PBX1: variants seen among roughly 807,000 people sequenced by gnomAD.
PBX1 encodes PBX homeobox 1.
PBX1 carries 6 observed loss-of-function variants against 53.4 expected under a neutral mutation model. The ratio of observed to expected loss-of-function variants is 0.11; its 90% CI spans 0.06 to 0.22. PBX1 has a LOEUF of 0.22. PBX1 is among the 10% of genes least tolerant of loss of function. The pLI is 1.00. For missense variants in PBX1, 251 were observed against 551.4 expected, an observed-to-expected ratio of 0.46 and a Z score of 5.46; for synonymous variants, 204 against 212.3, an observed-to-expected ratio of 0.96 and a Z score of 0.34.
chr1:164,689,902 G>A (rs1662361038), intron 2 of PBX1, among the ~76,000 whole-genome samples: 1 of 151,876 alleles, frequency 6.6e-6, no homozygotes, highest in South Asian at 2.1e-4. Flanking sequence ...TCTCACTGGT[G>A]ATACAGTTCT....
chr1:164,879,223 C>T (rs1270954756), intron 2 of PBX1, among the ~76,000 whole-genome samples: 1 of 124,620 alleles, frequency 8.0e-6, no homozygotes, highest in Non-Finnish European at 1.9e-5. Flanking sequence ...TTCAGGTGAA[C>T]AAACATTTAT....
intron 2 of PBX1, among the ~76,000 whole-genome samples, chr1:164,868,677 C>T (rs1672278324): frequency 6.6e-6 from 1 of 152,218 alleles, no homozygotes; most frequent in African/African-American, 2.4e-5. Flanking sequence ...TAAACATACA[C>T]AGTGGCAAGG....
intron 8 of PBX1, among the ~76,000 whole-genome samples, chr1:164,839,222 G>T (rs1671180775): frequency 6.6e-6 from 1 of 152,098 alleles, no homozygotes; most frequent in South Asian, 2.1e-4. Context: ...TCTAGAATCT[G>T]TATACATTAT....
Position 164,846,496 on chromosome 1 carries a change from C to T in PBX1, c.1201-88C>T, listed in dbSNP as rs191699978. 3.7e-5 allele frequency: 42 copies of T among 1,120,544 alleles called. No individual in the cohort carries two copies. The East Asian group carries it at 9.9e-4, about 26-fold the overall frequency. The allele number at this position is 1,120,544 out of a possible 1,614,324, so 69.4% of individuals were successfully genotyped here. A position where few individuals can be genotyped will look rare whatever the true frequency, so the allele number is the denominator to read the frequency against. ...CATGTGCCAGGCACTATGCTAGGTCCTTTACACAAGATGCCTCATTGTCAT... is the reference window on the plus strand; with the variant it reads ...CATGTGCCAGGCACTATGCTAGGTCTTTTACACAAGATGCCTCATTGTCAT... On this transcript the variant is annotated intron_variant, in intron 8 of 8. Coordinates refer to ENST00000420696, the MANE Select transcript of PBX1 (RefSeq NM_002585.4).
rs1008709471 is a variant in PBX1, at chr1:164,622,224, C to G, written c.265+58913C>G. ...TGGTGTAAAACAGCGGGTTGCCAGGCCTCTGTTCCCAGCGTTGTCTCTTGT... is the reference window on the plus strand; with the variant it reads ...TGGTGTAAAACAGCGGGTTGCCAGGGCTCTGTTCCCAGCGTTGTCTCTTGT... On this transcript the variant is annotated intron_variant, in intron 2 of 8. Transcript: ENST00000420696. Among the ~76,000 whole-genome samples the G allele has an allele frequency of 3.9e-5, 6 of 152,160 alleles. No homozygotes were observed. The East Asian group carries it at 7.7e-4, about 20-fold the overall frequency.
chr1:164,806,413 T>G (rs555959435), intron 4 of PBX1, among the ~76,000 whole-genome samples: 2 of 152,338 alleles, frequency 1.3e-5, no homozygotes, highest in Admixed American at 1.3e-4. Context: ...TTTTCTCCTT[T>G]TGAGGGATGT....
intron 2 of PBX1, among the ~76,000 whole-genome samples, chr1:164,604,880 G>A (rs1656445232): frequency 6.6e-6 from 1 of 151,770 alleles, no homozygotes; most frequent in South Asian, 2.1e-4. Context: ...TTCTCACTCT[G>A]TTTCCCAAGT....
chr1:164,846,591 G>A lies in PBX1; in HGVS notation c.1208G>A (p.Gly403Glu). ...TCCCTTTTTCCCTTCTAGGCTAATG[G>A]AGGTTGGCAGGATGCTACTACCCCT... ...MYSPQGISAN[G>E]GWQDATTPSS... is the part of the protein sequence containing the mutation. The change falls in exon 9 of 9, where the codon GGA (glycine) becomes GAA (glutamate). Residue 403 changes from glycine to glutamate, a missense_variant. Gly to Glu is a moderately conservative substitution (Grantham distance 98). Around this residue, in one of 4 missense-constraint regions of PBX1, gnomAD observed 92 missense variants for 130.4 expected, o/e 0.71. Transcript: ENST00000420696. 6.2e-7 allele frequency: 1 copy of A among 1,614,018 alleles called. No homozygotes were observed. The highest frequency in any genetic ancestry group is 1.7e-4 in the Middle Eastern group (1 of 6,060).
At chr1:164,793,982 C>A (rs1176829210) in intron 3 of PBX1, among the ~76,000 whole-genome samples, 1 of 146,100 alleles carries the variant, frequency 6.8e-6, no homozygotes, top group African/African-American at 2.5e-5. Context: ...TCAAGCAATT[C>A]TCCTGCCTCA....
At chr1:164,594,619 A>AT (rs1250720068) in intron 2 of PBX1, among the ~76,000 whole-genome samples, 1 of 152,230 alleles carries the variant, frequency 6.6e-6, no homozygotes, top group Non-Finnish European at 1.5e-5. Flanking sequence ...AAAATTTAAA[A>AT]TTTTTAATTG....
intron 2 of PBX1, among the ~76,000 whole-genome samples, chr1:164,584,680 G>A (rs1455011598): frequency 1.3e-5 from 2 of 152,092 alleles, no homozygotes; most frequent in Non-Finnish European, 2.9e-5. Context: ...AGAATGGGAG[G>A]TGTGCAAGAG....
At chr1:164,635,132 C>T (rs1416942599) in intron 2 of PBX1, among the ~76,000 whole-genome samples, 1 of 152,032 alleles carries the variant, frequency 6.6e-6, no homozygotes, top group Non-Finnish European at 1.5e-5. Context: ...GGAGGAACAA[C>T]TGTAAAAAAT....
chr1:164,832,823 G>T (rs964985205), intron 8 of PBX1, among the ~76,000 whole-genome samples: 4 of 151,980 alleles, frequency 2.6e-5, no homozygotes, highest in African/African-American at 9.7e-5. Context: ...AGATACACGG[G>T]TACTGAAGAG....
chr1:164,801,394 C>G (rs766193489), intron 4 of PBX1, among the ~76,000 whole-genome samples: 29 of 151,508 alleles, frequency 1.9e-4, no homozygotes, highest in African/African-American at 6.8e-4. Flanking sequence ...GCTTACATCT[C>G]CATGGTAACT....
intron 2 of PBX1, among the ~76,000 whole-genome samples, chr1:164,778,762 A>G (rs915416132): frequency 2.0e-5 from 3 of 152,252 alleles, no homozygotes; most frequent in Non-Finnish European, 4.4e-5. Flanking sequence ...AAAAGGCAGC[A>G]TGAAAGTCCA....
At chr1:164,624,039 C>T (rs936699874) in intron 2 of PBX1, among the ~76,000 whole-genome samples, 15 of 152,214 alleles carry the variant, frequency 9.9e-5, no homozygotes, top group African/African-American at 3.1e-4. Flanking sequence ...GTACACTTAA[C>T]GTGAGGGTCA....
intron 5 of PBX1, among the ~76,000 whole-genome samples, chr1:164,810,375 G>A (rs1363286310): frequency 6.6e-6 from 1 of 152,104 alleles, no homozygotes; most frequent in African/African-American, 2.4e-5. Flanking sequence ...GACAATGCAG[G>A]AAGTCCCTGA....
intron 2 of PBX1, among the ~76,000 whole-genome samples, chr1:164,863,054 T>C (rs139660365): frequency 6.6e-6 from 1 of 152,310 alleles, no homozygotes; most frequent in African/African-American, 2.4e-5. Context: ...TTGACATTTG[T>C]TATTGGTACA....
At chr1:164,774,251 A>G (rs925138411) in intron 2 of PBX1, among the ~76,000 whole-genome samples, 7 of 152,218 alleles carry the variant, frequency 4.6e-5, no homozygotes, top group African/African-American at 1.7e-4. Context: ...TTCAAAAGTC[A>G]TAGTGCCTTT....
Sources: allele counts gnomAD v4.1 joint callset (sites outside exome capture counted in the v4.1 genomes callset), GRCh38; gene constraint gnomAD v4.1.1; regional missense constraint gnomAD v4.1.1; transcripts MANE v1.5; gene names NCBI Gene and HGNC (gene_info 2026-07-23, HGNC 2026-07-21).